Variants in ABCF1 observed in about 807,000 individuals in gnomAD.
The protein encoded by ABCF1 is ATP-binding cassette sub-family F member 1.
In ABCF1, 73 loss-of-function variants were observed where a neutral mutation model predicts 126.3. The ratio of observed to expected loss-of-function variants is 0.58; its 90% confidence interval spans 0.48 to 0.70. The LOEUF is 0.70. ABCF1 is among the 30% of genes least tolerant of loss of function. The pLI, the probability that ABCF1 is intolerant of heterozygous loss-of-function variation, is 0.00. For synonymous variants in ABCF1, 345 were observed against 396.4 expected, an observed-to-expected ratio of 0.87 and a Z score of 1.54; for missense variants, 786 against 1,057.5, an observed-to-expected ratio of 0.74 and a Z score of 3.56.
intron 20 of ABCF1, among the ~76,000 whole-genome samples, chr6:30,589,212 T>C (rs1326418578): frequency 6.6e-6 from 1 of 152,138 alleles, no homozygotes; most frequent in Non-Finnish European, 1.5e-5. Flanking sequence ...TTGGCCAGCC[T>C]GGTCTCAAAC....
rs1801914579 is a variant in ABCF1 at position 30,583,127 on chromosome 6, C to T, written c.854C>T (p.Ser285Phe). ...GCCAATGCAGCTGAAAATGACTTCT[C>T]CGTGTCCCAGGCGGAGATGTCCTCC... ...KAANAAENDF[S>F]VSQAEMSSRQ... Residue 285 changes from serine (S) to phenylalanine (F), a missense_variant, in exon 10 of 25, where the codon TCC becomes TTC. Coordinates refer to ENST00000326195, the MANE Select transcript of ABCF1 (RefSeq NM_001025091.2). The surrounding 1 kb of genome is among the most constrained non-coding windows in gnomAD (Gnocchi z 4.1). 6.2e-7 allele frequency: 1 copy of T among 1,611,564 alleles called. No individual in the cohort carries two copies. The highest frequency in any genetic ancestry group is 8.5e-7 in the Non-Finnish European group (1 of 1,178,834).
rs1561804395 is a variant in ABCF1, at chr6:30,590,185, C to T, written c.2270C>T (p.Ala757Val). Residue 757 changes from alanine to valine, a missense_variant, in exon 23 of 25, where the codon GCC (alanine) becomes GTC (valine). By Grantham distance (64) the Ala-to-Val change is moderately conservative. This residue lies in a region of ABCF1 where 288 missense variants were observed against 423.5 expected (regional missense o/e 0.68). Transcript: ENST00000326195. ...QKARVVFAELACREPDVLILD... is the reference protein window; with the variant it reads ...QKARVVFAELVCREPDVLILD... ...GCGCGAGTTGTGTTTGCTGAGCTGGCCTGTCGGGAACCTGATGTCCTCATC... is the reference window on the plus strand; with the variant it reads ...GCGCGAGTTGTGTTTGCTGAGCTGGTCTGTCGGGAACCTGATGTCCTCATC... The T allele has an allele frequency of 2.5e-6, 4 of 1,613,066 alleles. No individual in the cohort carries two copies. Among genetic ancestry groups the T allele is most frequent in the Non-Finnish European group, 3.4e-6 (4 of 1,180,024 alleles).
At chr6:30,576,167 C>T (rs2127404831) in intron 1 of ABCF1, among the ~76,000 whole-genome samples, 1 of 147,378 alleles carries the variant, frequency 6.8e-6, no homozygotes, top group Admixed American at 6.8e-5. Context: ...ATAATATCTT[C>T]TTCCTTCCTA....
In ABCF1 at chr6:30,584,149, T is replaced by C. The variant is rs1172390881; in HGVS notation, c.1103-43T>C. On this transcript the variant is annotated intron_variant, in intron 12 of 24. Coordinates refer to ENST00000326195, the MANE Select transcript of ABCF1 (RefSeq NM_001025091.2). This position sits in a 1 kb window ranked among gnomAD's most constrained non-coding sequence, Gnocchi z 4.6. ...TTGAAGGGAAAGAAAGATGAGACTC[T>C]TGGCTCTTGAGGCTGCCTGACTGTT... 1.9e-6 allele frequency: 3 copies of C among 1,586,520 alleles called. No individual in the cohort carries two copies. The highest frequency in any genetic ancestry group is 3.4e-4 in the Middle Eastern group (2 of 5,902).
chr6:30,573,559 G>T (rs1055126320), intron 1 of ABCF1, among the ~76,000 whole-genome samples: 3 of 152,178 alleles, frequency 2.0e-5, no homozygotes, highest in Admixed American at 6.5e-5. Flanking sequence ...TTCAGCAATT[G>T]CAGGAAGCAG....
At position 30,586,881 on chromosome 6, in the gene ABCF1, G is replaced by A. The variant is rs1378796431; in HGVS notation, c.2031+170G>A. 6.6e-6 allele frequency among the ~76,000 whole-genome samples: 1 copy of A among 152,180 alleles called. No homozygotes were observed. The highest frequency in any genetic ancestry group is 1.5e-5 in the Non-Finnish European group (1 of 68,036). On this transcript the variant is annotated intron_variant, in intron 20 of 24. Coordinates refer to ENST00000326195, the MANE Select transcript of ABCF1 (RefSeq NM_001025091.2). The surrounding 1 kb of genome is among the most constrained non-coding windows in gnomAD (Gnocchi z 4.9). ...GTAGAGGAGGAAAGAGCTTAGATCA[G>A]TTCAGGGGGGAGAGCTAAGAGAATT...
chr6:30,572,463 A>G (rs746340126), intron 1 of ABCF1, among the ~76,000 whole-genome samples: 2 of 152,196 alleles, frequency 1.3e-5, no homozygotes, highest in Non-Finnish European at 2.9e-5. Context: ...CTACTCAGAC[A>G]GGTAAGGGAG....
Position 30,584,510 on chromosome 6 carries a change from G to A in ABCF1, c.1335G>A (p.Gln445=), listed in dbSNP as rs751684854. The change falls in exon 14 of 25, where the codon CAG becomes CAA. Residue 445 remains glutamine (Q), a synonymous_variant. Transcript: ENST00000326195. This position sits in a 1 kb window ranked among gnomAD's most constrained non-coding sequence, Gnocchi z 4.6. ...LAGLGFDPEM[Q]NRPTQKFSGG... Reference sequence around the variant, plus strand: ...GCCTGGGCTTTGACCCTGAAATGCAGAATCGACCCACACAGAAGTTCTCAG... The same window carrying A: ...GCCTGGGCTTTGACCCTGAAATGCAAAATCGACCCACACAGAAGTTCTCAG... The A allele has an allele frequency of 1.2e-6, 2 of 1,612,880 alleles. No individual in the cohort carries two copies. The highest frequency in any genetic ancestry group is 1.7e-6 in the Non-Finnish European group (2 of 1,179,968).
Position 30,590,133 on chromosome 6 carries a change from C to T in ABCF1, c.2234-16C>T. 6.2e-7 allele frequency: 1 copy of T among 1,613,000 alleles called. No individual in the cohort carries two copies. Among genetic ancestry groups the T allele is most frequent in the Non-Finnish European group, 8.5e-7 (1 of 1,180,010 alleles). On this transcript the variant is annotated splice_polypyrimidine_tract_variant and intron_variant, in intron 22 of 24. Transcript: ENST00000326195. ...GAGGTGCTAGGTGTGACAGCCCTCC[C>T]CTTCCTTTGCTACAGGTGGTCAGAA...
intron 9 of ABCF1, 113 bp downstream of exon 9, chr6:30,582,620 A>C (rs1582586567): frequency 2.0e-5 from 21 of 1,072,894 alleles, no homozygotes; most frequent in Non-Finnish European, 2.6e-5. Flanking sequence ...AAGTAAAACA[A>C]TCGGAGTAAG....
Position 30,571,950 on chromosome 6 carries a change from G to A in ABCF1, c.73+390G>A, listed in dbSNP as rs539780183. On this transcript the variant is annotated intron_variant, in intron 1 of 24. Transcript: ENST00000326195. ...CCCTGCGCGCGCATACACACACCTT[G>A]GGAGCCTGTGATCCCCCTTGTTTCT... Among the ~76,000 whole-genome samples the A allele has an allele frequency of 8.3e-4, 126 of 152,120 alleles. 2 individuals are homozygous for A. The South Asian group carries it at 0.023, about 28-fold the overall frequency.
At chr6:30,580,361 A>AAG (rs1801752359) in intron 7 of ABCF1, 45 bp from the exon 8 acceptor site, 7 of 287,650 alleles carry the variant, frequency 2.4e-5, no homozygotes, top group South Asian at 1.5e-4. Flanking sequence ...AAAAAAAAAG[A>AAG]AAAAAAAAAA....
Position 30,582,507 on chromosome 6 carries a change from G to T in ABCF1, c.792G>T (p.Gln264His). The change falls in exon 9 of 25, where the codon CAG becomes CAT. Residue 264 changes from glutamine to histidine, a missense_variant and splice_region_variant. Gln to His is a conservative substitution (Grantham distance 24). This residue lies in a region of ABCF1 where 322 missense variants were observed against 322.9 expected (regional missense o/e 1.00). Transcript: ENST00000326195. ...SKKEKKKLKK[Q>H]MEYERQVASL... The stretch of plus-strand genomic sequence containing the variant: ...AGGAGAAGAAAAAGCTGAAAAAACA[G>T]GTAAGACCTTGGTTCTTAGCGGTCA... The T allele has an allele frequency of 6.2e-7, 1 of 1,612,900 alleles. No homozygotes were observed. The highest frequency in any genetic ancestry group is 8.5e-7 in the Non-Finnish European group (1 of 1,179,978).
At chr6:30,581,972 T>C (rs973735846) in intron 8 of ABCF1, among the ~76,000 whole-genome samples, 1 of 151,982 alleles carries the variant, frequency 6.6e-6, no homozygotes, top group African/African-American at 2.4e-5. Context: ...ATTTTAGGAC[T>C]CTGAGTAGTG....
intron 1 of ABCF1, among the ~76,000 whole-genome samples, chr6:30,572,827 C>T (rs1419001842): frequency 2.0e-5 from 3 of 152,110 alleles, no homozygotes; most frequent in African/African-American, 4.8e-5. Context: ...GAAAGATCAT[C>T]GTGAATTAGC....
At chr6:30,590,030 A>T (rs1451026932) in intron 22 of ABCF1, 56 bp downstream of exon 22, 27 of 1,607,062 alleles carry the variant, frequency 1.7e-5, no homozygotes, top group Non-Finnish European at 2.0e-5. Flanking sequence ...ATGTCTACAA[A>T]CTGTACCTAG....
intron 1 of ABCF1, among the ~76,000 whole-genome samples, chr6:30,577,017 G>A (rs1801534640): frequency 6.6e-6 from 1 of 152,176 alleles, no homozygotes; most frequent in Non-Finnish European, 1.5e-5. Context: ...CGCCACCAGA[G>A]ATGAAGCCAG....
chr6:30,578,347 G>A lies in ABCF1; in HGVS notation c.344-1G>A, dbSNP rs748031632. ...CTCATGTTCTCCCCCTGTCATTTCA[G>A]TACCCGCCCCAAAACCCCGCGGAGG... On this transcript the variant is annotated splice_acceptor_variant, in intron 4 of 24. Coordinates refer to ENST00000326195, the MANE Select transcript of ABCF1 (RefSeq NM_001025091.2). LOFTEE classifies it high-confidence loss of function. 1 of 1,614,030 alleles carries A rather than the reference G, an allele frequency of 6.2e-7. No individual in the cohort carries two copies. The highest frequency in any genetic ancestry group is 8.5e-7 in the Non-Finnish European group (1 of 1,180,014).
intron 6 of ABCF1, 134 bp from the exon 7 acceptor site, chr6:30,579,797 G>A (rs1582579711): frequency 1.2e-5 from 9 of 764,460 alleles, no homozygotes; most frequent in African/African-American, 3.7e-5. Context: ...TGGGTTTATC[G>A]GGATGCAACC....
Sources: gnomAD v4.1 joint callset for allele counts (sites outside exome capture counted in the v4.1 genomes callset) on GRCh38, gnomAD v4.1.1 for gene constraint, gnomAD v4.1.1 regional missense constraint, Gnocchi (gnomAD v3.1) non-coding constraint, MANE v1.5 for transcripts, NCBI Gene and HGNC (gene_info 2026-07-23, HGNC 2026-07-21) for gene names.